The following MAST4 variants were observed in gnomAD, a reference collection of about 807,000 sequenced individuals.
MAST4 encodes the protein microtubule associated serine/threonine kinase family member 4.
In MAST4, 89 loss-of-function variants were observed where a neutral mutation model predicts 162.7. The ratio of observed to expected loss-of-function variants is 0.55; its 90% CI spans 0.46 to 0.65. The LOEUF is 0.65. MAST4 is among the 30% of genes least tolerant of loss of function. The pLI, the probability that MAST4 is intolerant of heterozygous loss-of-function variation, is 0.00. For synonymous variants in MAST4, 1,479 were observed against 1,361.1 expected, an observed-to-expected ratio of 1.09 and a Z score of -1.91; for missense variants, 3,153 against 3,374.0, an observed-to-expected ratio of 0.93 and a Z score of 1.62.
At chr5:67,063,603 C>T (rs754185018) in intron 5 of MAST4, among the ~76,000 whole-genome samples, 65 of 150,686 alleles carry the variant, frequency 4.3e-4, no homozygotes, top group Middle Eastern at 3.5e-3. Flanking sequence ...GAAGCTCACC[C>T]ATGTTAACAA....
chr5:67,059,239 G>A (rs1328570931), intron 5 of MAST4, among the ~76,000 whole-genome samples: 2 of 152,148 alleles, frequency 1.3e-5, no homozygotes, highest in Non-Finnish European at 2.9e-5. Flanking sequence ...GGTCATTCTC[G>A]CACTTCAAAT....
At position 67,030,184 on chromosome 5, in the gene MAST4, T is replaced by C. The variant is rs115107961; in HGVS notation, c.675-24220T>C. Among the ~76,000 whole-genome samples, 1,213 of 152,266 alleles carry C rather than the reference T, an allele frequency of 8.0e-3. 14 individuals are homozygous for C. The highest frequency in any genetic ancestry group is 0.028 in the African/African-American group (1,166 of 41,574). The stretch of plus-strand genomic sequence containing the variant: ...TACATATGGGTCATTCACATCCTTA[T>C]AGGTTTTTATTTAACAAATCATTTC... On this transcript the variant is annotated intron_variant, in intron 4 of 28. Coordinates refer to ENST00000403625, the MANE Select transcript of MAST4 (RefSeq NM_001164664.2).
At chr5:67,160,169 A>G (rs1773024826) in intron 26 of MAST4, among the ~76,000 whole-genome samples, 1 of 152,214 alleles carries the variant, frequency 6.6e-6, no homozygotes, top group Admixed American at 6.5e-5. Context: ...TAATTGGTAC[A>G]GGAAGTTGAG....
Position 67,102,606 on chromosome 5 carries a change from C to G in MAST4, c.1141C>G (p.Pro381Ala). Reference sequence around the variant, plus strand: ...GAACCATGTCTACAAAGAAAGGTTCCCAAAGGTAATGAATTGAATTGAAGA... The same window carrying G: ...GAACCATGTCTACAAAGAAAGGTTCGCAAAGGTAATGAATTGAATTGAAGA... ...MMNHVYKERF[P>A]KATAQMEERL... Residue 381 changes from proline (P) to alanine (A), a missense_variant, in exon 9 of 29, where the codon CCA becomes GCA. Around this residue, in one of 7 missense-constraint regions of MAST4, gnomAD observed 360 missense variants for 450.0 expected, o/e 0.80. Transcript: ENST00000403625. 6.2e-7 allele frequency: 1 copy of G among 1,612,526 alleles called. No individual in the cohort carries two copies. Among genetic ancestry groups the G allele is most frequent in the Non-Finnish European group, 8.5e-7 (1 of 1,178,676 alleles).
chr5:67,152,794 C>T lies in MAST4; in HGVS notation c.3453C>T (p.Tyr1151=), dbSNP rs2271358. The T allele has an allele frequency of 0.023, 36,528 of 1,614,004 alleles. 1,178 individuals are homozygous for T. The highest frequency in any genetic ancestry group is 0.17 in the East Asian group (7,462 of 44,880). Residue 1151 remains tyrosine (Y), a synonymous_variant, in exon 25 of 29, where the codon TAC becomes TAT. Transcript: ENST00000403625. ...TGATCCACAGTTCGGGGAAGAACTA[C>T]GGCTTTACCATCCGAGCCATCCGGG... ...PIVIHSSGKN[Y]GFTIRAIRVY... is the part of the protein sequence containing the mutation.
rs1389949310 is a variant in MAST4, at chr5:67,149,387, A to G, written c.3095-2A>G. ...TGTGTTTATCCCTTCTTCTTTGTAC[A>G]GTTGGCAGTTTTTCAGAGCACTTGG... On this transcript the variant is annotated splice_acceptor_variant, in intron 23 of 28. Coordinates refer to ENST00000403625, the MANE Select transcript of MAST4 (RefSeq NM_001164664.2). LOFTEE classifies it high-confidence loss of function. 2 of 1,611,322 alleles carry G rather than the reference A, an allele frequency of 1.2e-6. No individual in the cohort carries two copies. Among genetic ancestry groups the G allele is most frequent in the Admixed American group, 1.7e-5 (1 of 59,674 alleles).
rs575701943 is a variant in MAST4, at chr5:67,157,841, AAAC to A, written c.3649-2611_3649-2609del. On this transcript the variant is annotated intron_variant, in intron 26 of 28. Coordinates refer to ENST00000403625, the MANE Select transcript of MAST4 (RefSeq NM_001164664.2). ...CTCTTCTAGGCCATGAGGGTGAAACAAACAACGCTTACGACTTGTTTGTGAAAA... is the reference window on the plus strand; with the variant it reads ...CTCTTCTAGGCCATGAGGGTGAAACAAACGCTTACGACTTGTTTGTGAAAA... Among the ~76,000 whole-genome samples the A allele has an allele frequency of 4.5e-4, 69 of 152,382 alleles. 1 individual carries two copies. The East Asian group carries it at 0.013, about 28-fold the overall frequency.
intron 2 of MAST4, among the ~76,000 whole-genome samples, chr5:66,779,665 G>A (rs1225025501): frequency 9.9e-5 from 15 of 152,118 alleles, no homozygotes; most frequent in Admixed American, 8.5e-4. Flanking sequence ...GATGAATAAG[G>A]GAAGCTGTAA....
intron 1 of MAST4, among the ~76,000 whole-genome samples, chr5:66,600,717 C>T (rs548668212): frequency 1.8e-3 from 271 of 152,300 alleles, no homozygotes; most frequent in Non-Finnish European, 2.8e-3. Flanking sequence ...CAGTGAGAAA[C>T]GTACAATTTT....
chr5:67,050,264 A>T (rs1377315744), intron 4 of MAST4, among the ~76,000 whole-genome samples: 1 of 152,184 alleles, frequency 6.6e-6, no homozygotes, highest in South Asian at 2.1e-4. Flanking sequence ...GAACTCAGGG[A>T]GCAGGTGTGG....
At chr5:66,601,087 G>T (rs1427197472) in intron 1 of MAST4, among the ~76,000 whole-genome samples, 1 of 152,158 alleles carries the variant, frequency 6.6e-6, no homozygotes, top group African/African-American at 2.4e-5. Context: ...TGGAGTGGGG[G>T]GTTTCCCACG....
At chr5:66,870,931 T>C in intron 3 of MAST4, 1 of 458,042 alleles carries the variant, frequency 2.2e-6, no homozygotes, top group South Asian at 1.6e-5. Flanking sequence ...TGTGGGGTTT[T>C]ATTTATGCTG....
intron 1 of MAST4, among the ~76,000 whole-genome samples, chr5:66,605,079 A>ATTAG (rs1365202022): frequency 2.0e-4 from 31 of 152,376 alleles, no homozygotes; most frequent in African/African-American, 6.7e-4. Context: ...TATGAAATAA[A>ATTAG]TTAGTTCCCT....
At chr5:66,882,139 C>G (rs1016842133) in intron 3 of MAST4, among the ~76,000 whole-genome samples, 2 of 152,152 alleles carry the variant, frequency 1.3e-5, no homozygotes, top group Non-Finnish European at 2.9e-5. Flanking sequence ...TAGATACTCC[C>G]TTTCCATTAC....
intron 4 of MAST4, among the ~76,000 whole-genome samples, chr5:66,983,862 T>C (rs1581104620): frequency 6.6e-6 from 1 of 152,202 alleles, no homozygotes; most frequent in East Asian, 1.9e-4. Context: ...AGTGAAATAT[T>C]GTTCAATTCA....
chr5:67,153,728 G>T (rs944277981), intron 26 of MAST4, 148 bp downstream of exon 26: 3 of 757,454 alleles, frequency 4.0e-6, no homozygotes, highest in East Asian at 3.0e-5. Flanking sequence ...AAGATATTAT[G>T]AATTCTCTGG....
intron 3 of MAST4, among the ~76,000 whole-genome samples, chr5:66,874,356 G>A (rs1392233654): frequency 6.6e-6 from 1 of 152,004 alleles, no homozygotes; most frequent in Non-Finnish European, 1.5e-5. Context: ...GACATGATCT[G>A]GTGGACAGAA....
intron 3 of MAST4, among the ~76,000 whole-genome samples, chr5:66,850,448 C>T (rs1012748958): frequency 6.6e-6 from 1 of 152,164 alleles, no homozygotes; most frequent in African/African-American, 2.4e-5. Context: ...CATTGAACTA[C>T]AGGTAGAGCA....
chr5:66,986,781 AT>A (rs1460784814), intron 4 of MAST4, among the ~76,000 whole-genome samples: 1 of 151,540 alleles, frequency 6.6e-6, no homozygotes, highest in African/African-American at 2.4e-5. Flanking sequence ...TGCCTGGCTA[AT>A]TTTTTATTTT....
Sources: gnomAD v4.1 joint callset for allele counts (sites outside exome capture counted in the v4.1 genomes callset) on GRCh38, gnomAD v4.1.1 for gene constraint, gnomAD v4.1.1 regional missense constraint, MANE v1.5 for transcripts, NCBI Gene and HGNC (gene_info 2026-07-23, HGNC 2026-07-21) for gene names.